The following HHAT variants were observed in gnomAD, a reference collection of about 807,000 sequenced individuals.
HHAT encodes the protein protein-cysteine N-palmitoyltransferase HHAT.
HHAT carries 47 observed loss-of-function variants against 70.8 expected under a neutral mutation model. The observed-to-expected ratio is 0.66, with a 90% CI of 0.53 to 0.85. The LOEUF (loss-of-function observed/expected upper bound fraction) is 0.85, where lower values mean the gene tolerates loss of function less well. Ranked by LOEUF, HHAT falls within the 40% of genes least tolerant of loss-of-function variation. The pLI is 0.00. For synonymous variants in HHAT, 228 were observed against 247.6 expected (o/e 0.92, Z 0.74); for missense variants, 609 against 604.8 (o/e 1.01, Z -0.07).
chr1:210,530,397 T>C (rs1341852721), intron 9 of HHAT, among the ~76,000 whole-genome samples: 1 of 152,106 alleles, frequency 6.6e-6, no homozygotes, highest in African/African-American at 2.4e-5. Flanking sequence ...TCATTTGCTA[T>C]GAATCATAAT....
At chr1:210,393,205 A>T (rs1558424732) in intron 4 of HHAT, among the ~76,000 whole-genome samples, 1 of 152,190 alleles carries the variant, frequency 6.6e-6, no homozygotes, top group Non-Finnish European at 1.5e-5. Context: ...ATGCTTGCAC[A>T]TGAGGACAGC....
At chr1:210,544,016 CTG>C (rs1428516007) in intron 9 of HHAT, among the ~76,000 whole-genome samples, 2 of 152,216 alleles carry the variant, frequency 1.3e-5, no homozygotes, top group African/African-American at 2.4e-5. Context: ...TGCAGGTGGC[CTG>C]TGAGCTGTCT....
At position 210,436,245 on chromosome 1, in the gene HHAT, C is replaced by T. The variant is rs561020898; in HGVS notation, c.856+17920C>T. The stretch of plus-strand genomic sequence containing the variant: ...CTTTGCCTATTGTATGTTCTTGGCA[C>T]CCTTGCTGAAAATGAGTTCACTGTG... On this transcript the variant is annotated intron_variant, in intron 7 of 11. Coordinates refer to ENST00000261458, the MANE Select transcript of HHAT (RefSeq NM_018194.6). Among the ~76,000 whole-genome samples the T allele has an allele frequency of 1.1e-3, 171 of 151,742 alleles. 1 individual carries two copies. Among genetic ancestry groups the T allele is most frequent in the South Asian group, 1.9e-3 (9 of 4,812 alleles).
At chr1:210,569,846 T>G (rs1655795723) in intron 9 of HHAT, among the ~76,000 whole-genome samples, 1 of 152,194 alleles carries the variant, frequency 6.6e-6, no homozygotes, top group Non-Finnish European at 1.5e-5. Context: ...CAATTTGTTT[T>G]TTTTTAACTG....
At position 210,503,626 on chromosome 1, in the gene HHAT, G is replaced by A. The variant is rs572588852; in HGVS notation, c.1008-9527G>A. ...GTTTCATCTTTGTTTGGTGACTGTG[G>A]TTCCTCTTCTCCTTCAGGACATAAC... On this transcript the variant is annotated intron_variant, in intron 8 of 11. Coordinates refer to ENST00000261458, the MANE Select transcript of HHAT (RefSeq NM_018194.6). Among the ~76,000 whole-genome samples, 410 of 152,170 alleles carry A rather than the reference G, an allele frequency of 2.7e-3. 4 individuals carry two copies. Among genetic ancestry groups the A allele is most frequent in the African/African-American group, 9.3e-3 (387 of 41,486 alleles).
intron 9 of HHAT, among the ~76,000 whole-genome samples, chr1:210,537,105 C>G (rs1377279883): frequency 1.3e-5 from 2 of 151,746 alleles, no homozygotes; most frequent in Non-Finnish European, 2.9e-5. Context: ...CACCCAACTG[C>G]CACTGTAATG....
intron 4 of HHAT, among the ~76,000 whole-genome samples, chr1:210,393,438 C>G (rs554380820): frequency 1.3e-5 from 2 of 152,236 alleles, no homozygotes; most frequent in South Asian, 4.2e-4. Flanking sequence ...TGGGGAGTCA[C>G]AGTTGAGTGG....
chr1:210,467,231 T>G (rs1470923001), intron 8 of HHAT, among the ~76,000 whole-genome samples: 3 of 152,196 alleles, frequency 2.0e-5, no homozygotes, highest in Non-Finnish European at 4.4e-5. Flanking sequence ...AATTTAGGTA[T>G]GGAGATGAAC....
intron 9 of HHAT, among the ~76,000 whole-genome samples, chr1:210,576,603 G>A (rs1320502646): frequency 3.3e-5 from 5 of 151,650 alleles, no homozygotes; most frequent in East Asian, 1.9e-4. Flanking sequence ...CCAACATGAC[G>A]TATGTTTACA....
At chr1:210,572,561 T>C (rs1656578651) in intron 9 of HHAT, among the ~76,000 whole-genome samples, 1 of 152,156 alleles carries the variant, frequency 6.6e-6, no homozygotes, top group African/African-American at 2.4e-5. Context: ...GGAAACAGTT[T>C]GTTACCTTGA....
intron 7 of HHAT, among the ~76,000 whole-genome samples, chr1:210,434,563 T>C (rs1364715097): frequency 1.3e-5 from 2 of 151,804 alleles, no homozygotes; most frequent in Admixed American, 1.3e-4. Context: ...CTATCTCTTA[T>C]ACAGCTGAAA....
chr1:210,668,355 G>A (rs879440663), intron 11 of HHAT, among the ~76,000 whole-genome samples: 4 of 152,136 alleles, frequency 2.6e-5, no homozygotes, highest in Admixed American at 2.6e-4. Flanking sequence ...ATCTCATTTT[G>A]AATTATAGCT....
At chr1:210,428,451 GTCCTTTA>G (rs1296575289) in intron 7 of HHAT, among the ~76,000 whole-genome samples, 1 of 150,108 alleles carries the variant, frequency 6.7e-6, no homozygotes, top group East Asian at 2.0e-4. Flanking sequence ...TTTTACTAAG[GTCCTTTA>G]TATCTGCTTT....
chr1:210,471,760 C>T (rs1237399303), intron 8 of HHAT, among the ~76,000 whole-genome samples: 1 of 152,090 alleles, frequency 6.6e-6, no homozygotes, highest in Admixed American at 6.6e-5. Context: ...TAACATTAAG[C>T]CCATTAGATG....
chr1:210,349,983 G>A (rs1265649817), intron 2 of HHAT, among the ~76,000 whole-genome samples: 1 of 152,106 alleles, frequency 6.6e-6, no homozygotes, highest in East Asian at 1.9e-4. Flanking sequence ...ACCATGCCTG[G>A]CTTTAAAACT....
At chr1:210,374,201 T>A (rs951389108) in intron 3 of HHAT, 1 of 152,246 alleles carries the variant, frequency 6.6e-6, no homozygotes, top group African/African-American at 2.4e-5. Flanking sequence ...ATAACTGATT[T>A]GTTTCTCTCC....
At chr1:210,328,124 C>G (rs2084691197), upstream of HHAT, 1 of 152,234 alleles carries the variant, frequency 6.6e-6, no homozygotes, top group Non-Finnish European at 1.5e-5. Context: ...TATCATAGAA[C>G]CACCTGAGAC....
chr1:210,436,910 T>C (rs12741813), intron 7 of HHAT, among the ~76,000 whole-genome samples: 17,003 of 151,868 alleles, frequency 0.11, 1,134 homozygotes, highest in Non-Finnish European at 0.14. Context: ...TTTGATTTGA[T>C]AGAATCATTG....
chr1:210,610,412 A>G (rs1243728778), intron 10 of HHAT, among the ~76,000 whole-genome samples: 2 of 152,198 alleles, frequency 1.3e-5, no homozygotes, highest in African/African-American at 2.4e-5. Flanking sequence ...TAGATGCTGG[A>G]TAGTAGACCT....
Sources: gnomAD v4.1 joint callset for allele counts (sites outside exome capture counted in the v4.1 genomes callset) on GRCh38, gnomAD v4.1.1 for gene constraint, MANE v1.5 for transcripts, NCBI Gene and HGNC (gene_info 2026-07-23, HGNC 2026-07-21) for gene names.